The following ASB3 variants were observed in gnomAD, a reference collection of about 807,000 sequenced individuals.
ASB3 encodes ankyrin repeat and SOCS box protein 3.
Under a neutral mutation model 54.5 loss-of-function variants are expected in ASB3, and 41 were observed. The observed-to-expected ratio is 0.75, with a 90% CI of 0.59 to 0.98. The LOEUF (loss-of-function observed/expected upper bound fraction) is 0.98. Ranked by LOEUF, ASB3 falls within the 50% of genes least tolerant of loss-of-function variation. ASB3 has a pLI of 0.00. For synonymous variants in ASB3, 266 were observed against 221.2 expected, an observed-to-expected ratio of 1.20 and a Z score of -1.80; for missense variants, 733 against 620.0, an observed-to-expected ratio of 1.18 and a Z score of -1.94.
At chr2:53,768,911 A>G (rs1673690381) in intron 1 of ASB3, among the ~76,000 whole-genome samples, 1 of 152,258 alleles carries the variant, frequency 6.6e-6, no homozygotes, top group Non-Finnish European at 1.5e-5. Context: ...TGGAAAGTGG[A>G]AAAGATCAAG....
intron 2 of ASB3, among the ~76,000 whole-genome samples, chr2:53,761,356 G>A (rs1257796201): frequency 1.3e-5 from 2 of 152,164 alleles, no homozygotes; most frequent in Non-Finnish European, 2.9e-5. Context: ...CGAGCAGGGA[G>A]CAGCAACCCC....
chr2:53,674,479 C>A (rs1202920045), intron 9 of ASB3, among the ~76,000 whole-genome samples: 1 of 152,116 alleles, frequency 6.6e-6, no homozygotes, highest in East Asian at 1.9e-4. Context: ...ATCAAAAGCA[C>A]ACACAATGAT....
rs1270320316 is a variant in ASB3 at position 53,765,686 on chromosome 2, G to A, written c.-13-101C>T. 4.4e-6 allele frequency: 6 copies of A among 1,365,788 alleles called. No individual in the cohort carries two copies. The African/African-American group carries it at 7.2e-5, about 16-fold the overall frequency. 84.6% of individuals were successfully genotyped at this position (1,365,788 alleles called of 1,614,324 possible). On this transcript the variant is annotated intron_variant, in intron 1 of 9. Coordinates refer to ENST00000263634, the MANE Select transcript of ASB3 (RefSeq NM_016115.5). ...TGGGCCTGTCTAGTATCTCTCACAT[G>A]ACTGACGAAGAAGGGCCCACAATAC...
chr2:53,745,379 T>C (rs1007709687), intron 3 of ASB3, among the ~76,000 whole-genome samples: 1 of 152,192 alleles, frequency 6.6e-6, no homozygotes, highest in Non-Finnish European at 1.5e-5. Flanking sequence ...GTTCCCTGAA[T>C]TTCCCCTTTC....
chr2:53,747,139 C>CTAA (rs1000000715), intron 3 of ASB3, among the ~76,000 whole-genome samples: 6 of 151,848 alleles, frequency 4.0e-5, no homozygotes, highest in Non-Finnish European at 8.8e-5. Context: ...AAATGGGACT[C>CTAA]TAATAATAAT....
Position 53,704,142 on chromosome 2 carries a change from C to G in ASB3, c.981-3614G>C, listed in dbSNP as rs141736262. On this transcript the variant is annotated intron_variant, in intron 7 of 9. Coordinates refer to ENST00000263634, the MANE Select transcript of ASB3 (RefSeq NM_016115.5). ...CCAAAAAGCCAAGGCGGACAGATCA[C>G]TTGAGGCCAGGAGTTTGAGACCAGC... is the stretch of plus-strand genomic sequence containing the variant. 1.0e-2 allele frequency among the ~76,000 whole-genome samples: 1,517 copies of G among 152,070 alleles called. 29 individuals are homozygous for G. Among genetic ancestry groups the G allele is most frequent in the African/African-American group, 0.033 (1,368 of 41,482 alleles).
rs1190067308 is a variant in ASB3, at chr2:53,700,293, G to A, written c.1216C>T (p.Leu406=). 1 of 1,613,862 alleles carries A rather than the reference G, an allele frequency of 6.2e-7. No individual in the cohort carries two copies. The highest frequency in any genetic ancestry group is 8.5e-7 in the Non-Finnish European group (1 of 1,179,882). Residue 406 remains leucine (L), a synonymous_variant, in exon 8 of 10, where the codon CTG becomes TTG. Coordinates refer to ENST00000263634, the MANE Select transcript of ASB3 (RefSeq NM_016115.5). ...TACCAAGAATTGCACAGTAGAATCAGTGGGTCAAATCCAGCAACCAGAAGA... is the reference window on the plus strand; with the variant it reads ...TACCAAGAATTGCACAGTAGAATCAATGGGTCAAATCCAGCAACCAGAAGA... ...PHLLVAGFDP[L]ILLCNSWIDS... is the part of the protein sequence containing the mutation.
intron 3 of ASB3, among the ~76,000 whole-genome samples, chr2:53,746,312 A>G (rs1672218882): frequency 1.3e-5 from 2 of 152,066 alleles, no homozygotes; most frequent in African/African-American, 2.4e-5. Context: ...AAAAAAAGGT[A>G]AAGGTGAGCA....
intron 3 of ASB3, among the ~76,000 whole-genome samples, chr2:53,731,962 GTTTGT>G (rs1671344173): frequency 6.7e-6 from 1 of 149,438 alleles, no homozygotes; most frequent in East Asian, 2.0e-4. Flanking sequence ...CCCCACAACA[GTTTGT>G]TTTATTTTGA....
intron 9 of ASB3, among the ~76,000 whole-genome samples, chr2:53,691,425 T>C (rs1668904424): frequency 6.6e-6 from 1 of 152,030 alleles, no homozygotes; most frequent in Admixed American, 6.6e-5. Flanking sequence ...GTGGCAGAGG[T>C]GCAAGAAGTA....
intron 5 of ASB3, among the ~76,000 whole-genome samples, chr2:53,723,547 T>C (rs1413617152): frequency 6.6e-6 from 1 of 152,096 alleles, no homozygotes; most frequent in East Asian, 1.9e-4. Flanking sequence ...CCTATCAAAC[T>C]ACCGACACCA....
At chr2:53,672,302 G>A (rs766940841) in intron 9 of ASB3, among the ~76,000 whole-genome samples, 5 of 152,098 alleles carry the variant, frequency 3.3e-5, no homozygotes, top group Non-Finnish European at 5.9e-5. Context: ...TATATAGCAC[G>A]CACATTTATT....
chr2:53,785,294 A>G (rs913384127), intron 1 of ASB3, among the ~76,000 whole-genome samples: 8 of 152,208 alleles, frequency 5.3e-5, no homozygotes, highest in Non-Finnish European at 8.8e-5. Context: ...CTTGAACATC[A>G]GCTCTATTGA....
At chr2:53,717,142 A>T (rs1321727484) in intron 5 of ASB3, among the ~76,000 whole-genome samples, 1 of 152,228 alleles carries the variant, frequency 6.6e-6, no homozygotes, top group Non-Finnish European at 1.5e-5. Flanking sequence ...CAAAAATCCT[A>T]TTCAATGAAG....
intron 3 of ASB3, among the ~76,000 whole-genome samples, chr2:53,738,806 A>T (rs374090837): frequency 1.4e-4 from 22 of 152,278 alleles, no homozygotes; most frequent in African/African-American, 4.8e-4. Flanking sequence ...ATCTGGTATT[A>T]AAAAATGGTA....
intron 5 of ASB3, among the ~76,000 whole-genome samples, chr2:53,720,282 T>A (rs907373311): frequency 1.3e-5 from 2 of 152,148 alleles, no homozygotes; most frequent in Non-Finnish European, 2.9e-5. Flanking sequence ...ATAAAACGTA[T>A]AAAACCAAGT....
intron 5 of ASB3, among the ~76,000 whole-genome samples, chr2:53,717,190 C>T (rs1263299568): frequency 6.6e-6 from 1 of 152,162 alleles, no homozygotes; most frequent in African/African-American, 2.4e-5. Context: ...AACAAGCATT[C>T]TGGGGCCCAA....
intron 1 of ASB3, among the ~76,000 whole-genome samples, chr2:53,780,726 T>C (rs934011271): frequency 2.0e-5 from 3 of 152,100 alleles, no homozygotes; most frequent in Admixed American, 1.3e-4. Context: ...TGCAGTGAGC[T>C]ATCATAAGGC....
At position 53,716,823 on chromosome 2, in the gene ASB3, A is replaced by G. The variant is rs548050707; in HGVS notation, c.605-80T>C. The stretch of plus-strand genomic sequence containing the variant: ...ACACAAATTTCAAAGGAACTACCAT[A>G]AAAGGGTTTCGTAGCACGGTAAGCT... On this transcript the variant is annotated intron_variant, in intron 5 of 9. Coordinates refer to ENST00000263634, the MANE Select transcript of ASB3 (RefSeq NM_016115.5). 1.1e-4 allele frequency: 157 copies of G among 1,458,340 alleles called. 1 individual carries two copies. Among genetic ancestry groups the G allele is most frequent in the Middle Eastern group, 1.0e-3 (5 of 4,928 alleles). 90.3% of individuals were successfully genotyped at this position (1,458,340 alleles called of 1,614,324 possible). A position where few individuals can be genotyped will look rare whatever the true frequency, so the allele number is the denominator to read the frequency against.
Sources: allele counts gnomAD v4.1 joint callset (sites outside exome capture counted in the v4.1 genomes callset), GRCh38; gene constraint gnomAD v4.1.1; transcripts MANE v1.5; gene names NCBI Gene and HGNC (gene_info 2026-07-23, HGNC 2026-07-21).